EXOC6: variants seen among roughly 807,000 people sequenced by gnomAD.
EXOC6 encodes SEC15-like 1.
Under a neutral mutation model 112.5 loss-of-function variants are expected in EXOC6, and 60 were observed. That is an observed-to-expected ratio of 0.53 (90% confidence interval 0.43 to 0.66). The LOEUF is 0.66. Among genes scored for constraint, EXOC6 ranks in the 30% least tolerant of loss-of-function variants. The probability of loss-of-function intolerance (pLI) is 0.00; values close to 1 mark genes in which losing one functional copy is unlikely to be tolerated. For missense variants in EXOC6, 855 were observed against 957.1 expected, an observed-to-expected ratio of 0.89 and a Z score of 1.41; for synonymous variants, 295 against 308.0, an observed-to-expected ratio of 0.96 and a Z score of 0.44.
intron 17 of EXOC6, among the ~76,000 whole-genome samples, chr10:92,973,691 CAG>C (rs1842385925): frequency 6.6e-6 from 1 of 152,272 alleles, no homozygotes; most frequent in South Asian, 2.1e-4. Context: ...CTCAGTGAAT[CAG>C]GGGTTAGATA....
chr10:93,036,290 C>T (rs1845513493), intron 20 of EXOC6, among the ~76,000 whole-genome samples: 1 of 151,982 alleles, frequency 6.6e-6, no homozygotes, highest in South Asian at 2.1e-4. Context: ...GTCATTATTT[C>T]CCTCCAGACC....
chr10:92,959,207 T>C (rs936375079), intron 17 of EXOC6, among the ~76,000 whole-genome samples: 3 of 152,152 alleles, frequency 2.0e-5, no homozygotes, highest in Non-Finnish European at 2.9e-5. Context: ...CACATAAATA[T>C]AGTCAACTGA....
At chr10:93,035,455 G>A (rs1191626241) in intron 20 of EXOC6, among the ~76,000 whole-genome samples, 3 of 152,196 alleles carry the variant, frequency 2.0e-5, no homozygotes, top group Non-Finnish European at 2.9e-5. Context: ...TTTCTTAAAA[G>A]TACTATAATT....
In EXOC6 at chr10:92,902,223, A is replaced by C. The variant is rs538311608; in HGVS notation, c.458+2579A>C. On this transcript the variant is annotated intron_variant, in intron 5 of 21. Coordinates refer to ENST00000260762, the MANE Select transcript of EXOC6 (RefSeq NM_019053.6). ...GTGGTGGGTACTTTTTGTGGTGGGTACTTAGTGAGCCTTCTTTTAATCTGG... is the reference window on the plus strand; with the variant it reads ...GTGGTGGGTACTTTTTGTGGTGGGTCCTTAGTGAGCCTTCTTTTAATCTGG... Among the ~76,000 whole-genome samples the C allele has an allele frequency of 1.5e-4, 23 of 152,204 alleles. No individual in the cohort carries two copies. In the South Asian group the frequency reaches 4.6e-3, roughly 30 times the overall value.
At chr10:92,835,522 T>C (rs1181036767) in intron 1 of EXOC6, among the ~76,000 whole-genome samples, 1 of 152,198 alleles carries the variant, frequency 6.6e-6, no homozygotes, top group Non-Finnish European at 1.5e-5. Flanking sequence ...TCACTGAATT[T>C]GATAGTGACA....
chr10:93,038,411 A>G (rs1845618600), intron 20 of EXOC6, among the ~76,000 whole-genome samples: 1 of 152,232 alleles, frequency 6.6e-6, no homozygotes, highest in Non-Finnish European at 1.5e-5. Flanking sequence ...TGTGTAAATT[A>G]AGCCATCCTA....
chr10:93,005,950 A>AG (rs1843957921), intron 19 of EXOC6, among the ~76,000 whole-genome samples: 1 of 152,178 alleles, frequency 6.6e-6, no homozygotes, highest in African/African-American at 2.4e-5. Context: ...GCTTGAGCCC[A>AG]GGGGTTCGAG....
At chr10:92,843,659 C>T (rs1361086091), upstream of EXOC6, among the ~76,000 whole-genome samples, 2 of 151,628 alleles carry the variant, frequency 1.3e-5, no homozygotes, top group African/African-American at 4.8e-5. Context: ...CCATCCTGGC[C>T]AACATGGTGA....
upstream of EXOC6, among the ~76,000 whole-genome samples, chr10:92,833,132 G>T (rs573184241): frequency 1.3e-4 from 20 of 152,290 alleles, no homozygotes; most frequent in Middle Eastern, 6.8e-3. Context: ...GAAGAATGCT[G>T]CATTGGTTTG....
chr10:92,991,822 T>C (rs1434165379), intron 18 of EXOC6, among the ~76,000 whole-genome samples: 1 of 151,988 alleles, frequency 6.6e-6, no homozygotes, highest in Non-Finnish European at 1.5e-5. Flanking sequence ...TGGTAATTGT[T>C]GGAAGGAGAA....
chr10:92,858,633 T>C (rs11812999), intron 1 of EXOC6, among the ~76,000 whole-genome samples: 1,631 of 152,350 alleles, frequency 0.011, 32 homozygotes, highest in African/African-American at 0.037. Flanking sequence ...CCATCTCTAT[T>C]TGGTAAGACA....
intron 1 of EXOC6, among the ~76,000 whole-genome samples, chr10:92,874,769 A>G (rs775347123): frequency 4.6e-5 from 7 of 152,174 alleles, no homozygotes; most frequent in Non-Finnish European, 1.0e-4. Flanking sequence ...GTGGACAACC[A>G]TCTTTCTTTC....
chr10:92,905,526 C>G (rs1350873596), intron 5 of EXOC6, among the ~76,000 whole-genome samples: 1 of 151,860 alleles, frequency 6.6e-6, no homozygotes, highest in East Asian at 1.9e-4. Flanking sequence ...TTCATGTTAC[C>G]TGCAAAGACT....
chr10:92,938,748 T>C (rs1172957373), intron 12 of EXOC6, among the ~76,000 whole-genome samples: 3 of 152,138 alleles, frequency 2.0e-5, no homozygotes, highest in Non-Finnish European at 4.4e-5. Context: ...TAAAAGTCCT[T>C]GGCTTCAAGA....
intron 19 of EXOC6, among the ~76,000 whole-genome samples, chr10:93,002,832 C>T (rs1056029769): frequency 2.0e-5 from 3 of 152,258 alleles, no homozygotes; most frequent in Middle Eastern, 3.4e-3. Flanking sequence ...TACTCGGATT[C>T]GTCATAAATC....
At position 92,918,115 on chromosome 10, in the gene EXOC6, C is replaced by T. The variant is rs569037562; in HGVS notation, c.820-1867C>T. The stretch of plus-strand genomic sequence containing the variant: ...GAGCTGTGATCATGTCACTACATAC[C>T]AGCCTGGGTGACAGAGTGAGACGCC... On this transcript the variant is annotated intron_variant, in intron 7 of 21. Transcript: ENST00000260762. 3.9e-5 allele frequency among the ~76,000 whole-genome samples: 6 copies of T among 152,262 alleles called. No homozygotes were observed. In the South Asian group the frequency reaches 1.2e-3, roughly 32 times the overall value.
chr10:93,002,727 C>T (rs1032924249), intron 19 of EXOC6, among the ~76,000 whole-genome samples: 3 of 152,196 alleles, frequency 2.0e-5, no homozygotes, highest in African/African-American at 7.2e-5. Flanking sequence ...TGAGCAGCTT[C>T]TGTCAGAAGC....
At chr10:93,009,753 C>G (rs1334041526) in intron 19 of EXOC6, among the ~76,000 whole-genome samples, 1 of 152,162 alleles carries the variant, frequency 6.6e-6, no homozygotes, top group East Asian at 1.9e-4. Flanking sequence ...CATGGAAGTA[C>G]AGGTAGTTTG....
rs1320608690 is a variant in EXOC6, at chr10:93,058,490, A to AC, written c.*135_*136insC. 12 of 537,740 alleles carry AC rather than the reference A, an allele frequency of 2.2e-5. No individual in the cohort carries two copies. The African/African-American group carries it at 2.4e-4, about 11-fold the overall frequency. 33.3% of individuals were successfully genotyped at this position (537,740 alleles called of 1,614,324 possible). A position where few individuals can be genotyped will look rare whatever the true frequency, so the allele number is the denominator to read the frequency against. Reference sequence around the variant, plus strand: ...GAGAAGATACATGAGGGCTTAAACAAGAAATAGTAATAAATATCATTTGTA... The same window carrying AC: ...GAGAAGATACATGAGGGCTTAAACAACGAAATAGTAATAAATATCATTTGTA... On this transcript the variant is annotated 3_prime_UTR_variant, in exon 22 of 22. Coordinates refer to ENST00000260762, the MANE Select transcript of EXOC6 (RefSeq NM_019053.6).
Sources: allele counts gnomAD v4.1 joint callset (sites outside exome capture counted in the v4.1 genomes callset), GRCh38; gene constraint gnomAD v4.1.1; transcripts MANE v1.5; gene names NCBI Gene and HGNC (gene_info 2026-07-23, HGNC 2026-07-21).